Variants in PRKCQ observed in about 807,000 individuals in gnomAD.
PRKCQ encodes protein kinase C theta.
Under a neutral mutation model 91.2 loss-of-function variants are expected in PRKCQ, and 41 were observed. That is an observed-to-expected ratio of 0.45 (90% CI 0.35 to 0.58). The LOEUF (loss-of-function observed/expected upper bound fraction) is 0.58. Ranked by LOEUF, PRKCQ falls within the 20% of genes least tolerant of loss-of-function variation. The pLI, the probability that PRKCQ is intolerant of heterozygous loss-of-function variation, is 0.00. For missense variants in PRKCQ, 673 were observed against 896.5 expected (o/e 0.75, Z 3.18); for synonymous variants, 307 against 316.9 (o/e 0.97, Z 0.33).
At chr10:6,450,001 A>C (rs199684931) in intron 15 of PRKCQ, among the ~76,000 whole-genome samples, 13,457 of 150,640 alleles carry the variant, frequency 0.089, 663 homozygotes, top group Middle Eastern at 0.19. Context: ...AAAGACCATC[A>C]AGACTAGGAA....
At chr10:6,406,233 A>G in the PRKCQ span, among the ~76,000 whole-genome samples, 1 of 152,200 alleles carries the variant, frequency 6.6e-6, no homozygotes, top group South Asian at 2.1e-4. Context: ...GATGCCTTAG[A>G]GTGCCTATAT....
chr10:6,433,384 C>T (rs1833514487), intron 16 of PRKCQ, among the ~76,000 whole-genome samples: 1 of 152,186 alleles, frequency 6.6e-6, no homozygotes, highest in African/African-American at 2.4e-5. Flanking sequence ...GGAGGCCGGG[C>T]ACCATTGACA....
chr10:6,512,053 C>G (rs557998824), intron 2 of PRKCQ: 2 of 152,224 alleles, frequency 1.3e-5, no homozygotes, highest in South Asian at 4.2e-4. Context: ...CTCACTGGCC[C>G]CAGCTTAAAC....
the PRKCQ span, among the ~76,000 whole-genome samples, chr10:6,394,690 T>A: frequency 5.6e-4 from 80 of 142,906 alleles, 1 homozygote; most frequent in East Asian, 0.014. Context: ...GCCCAGCAAC[T>A]GACTGAGAAA....
intron 1 of PRKCQ, among the ~76,000 whole-genome samples, chr10:6,525,148 C>CTTT (rs55673084): frequency 7.5e-5 from 10 of 134,090 alleles, no homozygotes; most frequent in Non-Finnish European, 9.8e-5. Flanking sequence ...ATTTTAAGTT[C>CTTT]TTTTTTTTTT....
intron 12 of PRKCQ, among the ~76,000 whole-genome samples, chr10:6,475,834 T>C (rs1438827858): frequency 6.6e-6 from 1 of 152,214 alleles, no homozygotes; most frequent in Non-Finnish European, 1.5e-5. Context: ...ACTCGGGGTG[T>C]TGGAAAAGGT....
downstream of PRKCQ, among the ~76,000 whole-genome samples, chr10:6,424,917 T>TTGAG (rs1287406584): frequency 1.3e-5 from 2 of 152,144 alleles, no homozygotes; most frequent in African/African-American, 2.4e-5. Context: ...ATTGGCAAGG[T>TTGAG]TGAGTCTAGG....
chr10:6,499,416 C>T (rs1351518457), intron 4 of PRKCQ, among the ~76,000 whole-genome samples: 1 of 152,084 alleles, frequency 6.6e-6, no homozygotes, highest in Non-Finnish European at 1.5e-5. Flanking sequence ...CTCAGGATGC[C>T]CTTGCTGAAG....
At chr10:6,538,351 G>C (rs1839658263) in intron 1 of PRKCQ, among the ~76,000 whole-genome samples, 1 of 152,266 alleles carries the variant, frequency 6.6e-6, no homozygotes, top group African/African-American at 2.4e-5. Context: ...GGAAGCTAAA[G>C]AAGCAAGGCT....
At chr10:6,556,757 G>A (rs577059086) in intron 1 of PRKCQ, among the ~76,000 whole-genome samples, 1 of 151,950 alleles carries the variant, frequency 6.6e-6, no homozygotes, top group African/African-American at 2.4e-5. Flanking sequence ...CTTTATTTTT[G>A]ATCTTATTCC....
intron 8 of PRKCQ, among the ~76,000 whole-genome samples, chr10:6,490,560 T>TAAAA (rs71515438): frequency 1.5e-5 from 2 of 129,278 alleles, no homozygotes; most frequent in Non-Finnish European, 3.2e-5. Context: ...ACCATACCTC[T>TAAAA]AAAAAAAAAA....
chr10:6,431,795 C>T (rs1305774364), intron 16 of PRKCQ, among the ~76,000 whole-genome samples: 1 of 152,228 alleles, frequency 6.6e-6, no homozygotes, highest in African/African-American at 2.4e-5. Flanking sequence ...CCCTCAGCTC[C>T]TGCAAACCTG....
intron 1 of PRKCQ, among the ~76,000 whole-genome samples, chr10:6,575,215 C>G (rs978839479): frequency 6.6e-6 from 1 of 152,230 alleles, no homozygotes; most frequent in African/African-American, 2.4e-5. Flanking sequence ...CTGACCACAT[C>G]TCCCTGTGGG....
intron 14 of PRKCQ, 113 bp from the exon 15 acceptor site, chr10:6,456,925 G>A: frequency 1.8e-6 from 2 of 1,116,372 alleles, no homozygotes; most frequent in South Asian, 1.5e-5. Flanking sequence ...GGGCTCACGA[G>A]AGGCGCTTAT....
chr10:6,478,020 G>C (rs994762733), intron 12 of PRKCQ, among the ~76,000 whole-genome samples: 4 of 152,182 alleles, frequency 2.6e-5, no homozygotes, highest in Admixed American at 2.6e-4. Flanking sequence ...GTGGCAGAGA[G>C]GAGACAAACC....
chr10:6,544,385 C>T (rs1438695904), intron 1 of PRKCQ, among the ~76,000 whole-genome samples: 1 of 152,130 alleles, frequency 6.6e-6, no homozygotes, highest in Non-Finnish European at 1.5e-5. Flanking sequence ...ACCAATTTGC[C>T]CATTCTAATA....
intron 1 of PRKCQ, among the ~76,000 whole-genome samples, chr10:6,550,996 CT>C (rs888102873): frequency 6.6e-6 from 1 of 151,928 alleles, no homozygotes; most frequent in African/African-American, 2.4e-5. Context: ...AGCATCTTCT[CT>C]TTTTTTTAAA....
chr10:6,417,775 C>T, the PRKCQ span, among the ~76,000 whole-genome samples: 2 of 152,244 alleles, frequency 1.3e-5, no homozygotes, highest in East Asian at 3.8e-4. Flanking sequence ...ACAGTGAGTT[C>T]TGTTGGAGTC....
At chr10:6,426,621 T>TA (rs926430163), downstream of PRKCQ, among the ~76,000 whole-genome samples, 19 of 152,186 alleles carry the variant, frequency 1.2e-4, no homozygotes, top group South Asian at 6.2e-4. Context: ...AGTGTCTATT[T>TA]AAAAAAAATC....
Sources: gnomAD v4.1 joint callset for allele counts (sites outside exome capture counted in the v4.1 genomes callset) on GRCh38, gnomAD v4.1.1 for gene constraint, MANE v1.5 for transcripts, NCBI Gene and HGNC (gene_info 2026-07-23, HGNC 2026-07-21) for gene names.